Variants in ITPR1 observed in about 807,000 individuals in gnomAD.
The protein encoded by ITPR1 is inositol 1,4,5-trisphosphate-gated calcium channel ITPR1.
In ITPR1, 96 loss-of-function variants were observed where a neutral mutation model predicts 318.4. The ratio of observed to expected loss-of-function variants is 0.30; its 90% confidence interval spans 0.26 to 0.36. The LOEUF (loss-of-function observed/expected upper bound fraction) is 0.36, where lower values mean the gene tolerates loss of function less well. ITPR1 is among the 10% of genes least tolerant of loss of function. The probability of loss-of-function intolerance (pLI) is 1.00; values close to 1 mark genes in which losing one functional copy is unlikely to be tolerated. For synonymous variants in ITPR1, 1,312 were observed against 1,289.9 expected (o/e 1.02, Z -0.37); for missense variants, 2,440 against 3,460.2 (o/e 0.71, Z 7.40).
At chr3:4,658,621 G>A (rs890984198) in intron 13 of ITPR1, among the ~76,000 whole-genome samples, 2 of 151,280 alleles carry the variant, frequency 1.3e-5, no homozygotes, top group Non-Finnish European at 3.0e-5. Context: ...AGGAAACTAG[G>A]AAATTGAATG....
At chr3:4,586,404 G>A (rs1384581145) in intron 4 of ITPR1, among the ~76,000 whole-genome samples, 1 of 151,924 alleles carries the variant, frequency 6.6e-6, no homozygotes, top group African/African-American at 2.4e-5. Context: ...TTAGCTAGAA[G>A]TGTTAACCCT....
At chr3:4,568,703 G>A (rs1174595447) in intron 4 of ITPR1, among the ~76,000 whole-genome samples, 1 of 152,206 alleles carries the variant, frequency 6.6e-6, no homozygotes, top group African/African-American at 2.4e-5. Flanking sequence ...GAGCCATGTT[G>A]TGTGGCTGGA....
intron 5 of ITPR1, among the ~76,000 whole-genome samples, chr3:4,635,112 C>G (rs2093143962): frequency 6.6e-6 from 1 of 152,158 alleles, no homozygotes; most frequent in African/African-American, 2.4e-5. Context: ...AGATAAGCAG[C>G]CTCTATGGGC....
intron 4 of ITPR1, among the ~76,000 whole-genome samples, chr3:4,568,013 A>G (rs2087549208): frequency 1.3e-5 from 2 of 152,116 alleles, no homozygotes; most frequent in Non-Finnish European, 2.9e-5. Flanking sequence ...TTTATCAGGT[A>G]TGTGGTCACT....
rs114973464 is a variant in ITPR1 at position 4,644,499 on chromosome 3, T to A, written c.624+265T>A. ...CACTGAGGGGTTGTTTTTTCATTGG[T>A]GAAGCCAGAGATGAACCCTTTTACT... On this transcript the variant is annotated intron_variant, in intron 8 of 61. Transcript: ENST00000649015. Among the ~76,000 whole-genome samples the A allele has an allele frequency of 0.01, 1,562 of 152,320 alleles. 20 individuals are homozygous for A. Among genetic ancestry groups the A allele is most frequent in the African/African-American group, 0.036 (1,510 of 41,570 alleles).
chr3:4,594,731 A>T (rs545113897), intron 4 of ITPR1, among the ~76,000 whole-genome samples: 1 of 150,946 alleles, frequency 6.6e-6, no homozygotes, highest in Non-Finnish European at 1.5e-5. Flanking sequence ...TGGCCGTCTC[A>T]GTCATGGATA....
intron 2 of ITPR1, among the ~76,000 whole-genome samples, chr3:4,512,376 G>A (rs964646174): frequency 9.2e-5 from 14 of 152,168 alleles, no homozygotes; most frequent in African/African-American, 3.4e-4. Context: ...GTGGGAGGTG[G>A]AATTACATGC....
intron 5 of ITPR1, among the ~76,000 whole-genome samples, chr3:4,635,389 G>T (rs945264815): frequency 2.0e-5 from 3 of 152,120 alleles, no homozygotes; most frequent in Non-Finnish European, 2.9e-5. Flanking sequence ...CGCCCAGGCT[G>T]CAGTGCAGTG....
intron 37 of ITPR1, among the ~76,000 whole-genome samples, chr3:4,709,724 A>G (rs902379801): frequency 4.6e-5 from 7 of 152,244 alleles, no homozygotes; most frequent in Non-Finnish European, 1.0e-4. Flanking sequence ...CCATCATGCT[A>G]TCAGGGTACA....
chr3:4,809,777 G>A (rs888588644), intron 55 of ITPR1, among the ~76,000 whole-genome samples: 6 of 152,186 alleles, frequency 3.9e-5, no homozygotes, highest in African/African-American at 1.2e-4. Context: ...AATCTCTGCG[G>A]TCCTTAACCA....
chr3:4,501,178 T>G (rs115471460), intron 2 of ITPR1, among the ~76,000 whole-genome samples: 2 of 152,004 alleles, frequency 1.3e-5, no homozygotes, highest in African/African-American at 4.8e-5. Context: ...TTTTTTTTTT[T>G]AATGACATGC....
At chr3:4,825,051 C>A (rs754312893) in intron 60 of ITPR1, among the ~76,000 whole-genome samples, 3 of 152,184 alleles carry the variant, frequency 2.0e-5, no homozygotes, top group Non-Finnish European at 2.9e-5. Context: ...CTTCCACACC[C>A]AGGTGACTCA....
At chr3:4,641,816 A>G (rs1456372793) in intron 6 of ITPR1, among the ~76,000 whole-genome samples, 5 of 152,224 alleles carry the variant, frequency 3.3e-5, no homozygotes, top group Non-Finnish European at 5.9e-5. Flanking sequence ...GCAGGTTATG[A>G]TGGCACAGTT....
At chr3:4,736,225 G>T (rs957796583) in intron 44 of ITPR1, among the ~76,000 whole-genome samples, 1 of 152,008 alleles carries the variant, frequency 6.6e-6, no homozygotes, top group African/African-American at 2.4e-5. Flanking sequence ...GCTTTATTGA[G>T]ATATAATCCA....
chr3:4,566,642 A>ACACACACT (rs1354079921), intron 4 of ITPR1, among the ~76,000 whole-genome samples: 1 of 150,288 alleles, frequency 6.7e-6, no homozygotes, highest in Non-Finnish European at 1.5e-5. Flanking sequence ...ACACACACAC[A>ACACACACT]CTGAAACACT....
Position 4,661,097 on chromosome 3 carries a change from G to C in ITPR1, c.1251+10G>C. ...GCCCGTGATGCTGAAAGTAAGTCCT[G>C]GGACTTGCCTGTCTCCTTTTGGTCT... On this transcript the variant is annotated intron_variant, in intron 14 of 61. Transcript: ENST00000649015. 2 of 1,504,732 alleles carry C rather than the reference G, an allele frequency of 1.3e-6. No homozygotes were observed. The highest frequency in any genetic ancestry group is 1.1e-5 in the South Asian group (1 of 88,614). The allele number at this position is 1,504,732 out of a possible 1,614,324, so 93.2% of individuals were successfully genotyped here. A position where few individuals can be genotyped will look rare whatever the true frequency, so the allele number is the denominator to read the frequency against.
At chr3:4,629,001 C>T (rs572325940) in intron 5 of ITPR1, among the ~76,000 whole-genome samples, 33 of 152,220 alleles carry the variant, frequency 2.2e-4, no homozygotes, top group African/African-American at 6.0e-4. Flanking sequence ...TTGTTTCAGA[C>T]GGGCTGTGAT....
chr3:4,723,628 CAA>C (rs1185826794), intron 40 of ITPR1, among the ~76,000 whole-genome samples: 2 of 151,452 alleles, frequency 1.3e-5, no homozygotes, highest in East Asian at 1.9e-4. Context: ...CTTCTCTGGA[CAA>C]AGAGAGCACA....
intron 52 of ITPR1, among the ~76,000 whole-genome samples, chr3:4,792,619 C>T (rs747287352): frequency 4.6e-5 from 7 of 152,150 alleles, no homozygotes; most frequent in African/African-American, 7.2e-5. Flanking sequence ...CCCCTCCACA[C>T]GGACCTCTCC....
Sources: gnomAD v4.1 joint callset for allele counts (sites outside exome capture counted in the v4.1 genomes callset) on GRCh38, gnomAD v4.1.1 for gene constraint, MANE v1.5 for transcripts, NCBI Gene and HGNC (gene_info 2026-07-23, HGNC 2026-07-21) for gene names.